The following CNTN5 variants were observed in gnomAD, a reference collection of about 807,000 sequenced individuals.
CNTN5 encodes contactin-5.
A neutral mutation model predicts 129.1 loss-of-function variants in CNTN5; 77 were observed. That is an observed-to-expected ratio of 0.60 (90% CI 0.50 to 0.72). CNTN5 has a LOEUF of 0.72. CNTN5 is among the 30% of genes least tolerant of loss of function. CNTN5 has a pLI of 0.00. For missense variants in CNTN5, 1,478 were observed against 1,328.8 expected, an observed-to-expected ratio of 1.11 and a Z score of -1.75; for synonymous variants, 509 against 465.6, an observed-to-expected ratio of 1.09 and a Z score of -1.20.
intron 2 of CNTN5, among the ~76,000 whole-genome samples, chr11:99,364,928 C>G (rs1437948136): frequency 6.6e-6 from 1 of 152,040 alleles, no homozygotes; most frequent in East Asian, 1.9e-4. Flanking sequence ...TTAAATAGAT[C>G]ACTCTGGTAC....
intron 3 of CNTN5, among the ~76,000 whole-genome samples, chr11:99,632,835 A>G (rs10893622): frequency 0.26 from 39,529 of 151,896 alleles, 5,251 homozygotes; most frequent in South Asian, 0.38. Context: ...GTTTCCATAT[A>G]TTCAGAAGAG....
At chr11:99,508,873 G>C (rs773790523) in intron 2 of CNTN5, among the ~76,000 whole-genome samples, 1 of 151,870 alleles carries the variant, frequency 6.6e-6, no homozygotes, top group Non-Finnish European at 1.5e-5. Flanking sequence ...TAGAGACGGG[G>C]TTTCACCAGA....
chr11:99,118,264 G>T (rs962048644), intron 1 of CNTN5, among the ~76,000 whole-genome samples: 6 of 151,942 alleles, frequency 3.9e-5, no homozygotes, highest in African/African-American at 1.2e-4. Flanking sequence ...TTTCCATTTT[G>T]ACATTATAGT....
At chr11:100,214,788 C>G (rs1949105931) in intron 15 of CNTN5, among the ~76,000 whole-genome samples, 1 of 152,208 alleles carries the variant, frequency 6.6e-6, no homozygotes, top group African/African-American at 2.4e-5. Flanking sequence ...TGGTTATTCT[C>G]TGCTGTACAA....
At chr11:99,068,870 A>C (rs1249005678) in intron 1 of CNTN5, among the ~76,000 whole-genome samples, 2 of 152,186 alleles carry the variant, frequency 1.3e-5, no homozygotes, top group East Asian at 3.8e-4. Flanking sequence ...TTTGAAAATA[A>C]TTTTAAAAAT....
At chr11:99,234,377 T>C (rs1331092207) in intron 1 of CNTN5, among the ~76,000 whole-genome samples, 16 of 152,152 alleles carry the variant, frequency 1.1e-4, no homozygotes, top group Admixed American at 7.2e-4. Context: ...GATTCTGTCT[T>C]CCTCAACGCT....
intron 10 of CNTN5, among the ~76,000 whole-genome samples, chr11:100,065,971 G>A (rs1175338619): frequency 4.0e-5 from 6 of 151,846 alleles, no homozygotes; most frequent in Non-Finnish European, 7.4e-5. Context: ...TTGATTCCTG[G>A]TTAATAATTT....
intron 3 of CNTN5, among the ~76,000 whole-genome samples, chr11:99,635,305 A>AT (rs1951510491): frequency 6.6e-6 from 1 of 152,130 alleles, no homozygotes; most frequent in African/African-American, 2.4e-5. Flanking sequence ...CAGTTTAGCT[A>AT]TTTTTTGCTT....
intron 3 of CNTN5, among the ~76,000 whole-genome samples, chr11:99,665,082 G>A (rs563641843): frequency 6.6e-5 from 10 of 152,160 alleles, no homozygotes; most frequent in Admixed American, 3.3e-4. Context: ...TATATAGTTC[G>A]CTATAAGAAG....
At chr11:99,203,993 C>T (rs947309834) in intron 1 of CNTN5, among the ~76,000 whole-genome samples, 11 of 152,182 alleles carry the variant, frequency 7.2e-5, no homozygotes, top group Non-Finnish European at 1.2e-4. Context: ...TGAGCCATGA[C>T]TTGAAAAGAT....
At chr11:100,213,721 T>C (rs889287980) in intron 15 of CNTN5, among the ~76,000 whole-genome samples, 1 of 152,194 alleles carries the variant, frequency 6.6e-6, no homozygotes, top group African/African-American at 2.4e-5. Context: ...CATTGGAAGA[T>C]TGTTGCTGTA....
intron 21 of CNTN5, among the ~76,000 whole-genome samples, chr11:100,328,817 T>C (rs769542506): frequency 2.0e-5 from 3 of 152,192 alleles, no homozygotes; most frequent in Non-Finnish European, 2.9e-5. Flanking sequence ...GTGGCAGAAC[T>C]AGCTTGCAGC....
intron 13 of CNTN5, among the ~76,000 whole-genome samples, chr11:100,114,853 C>T (rs1248880990): frequency 1.3e-5 from 2 of 151,952 alleles, no homozygotes; most frequent in African/African-American, 4.8e-5. Context: ...TAAATTAATT[C>T]ATTTAATACT....
intron 3 of CNTN5, among the ~76,000 whole-genome samples, chr11:99,578,515 G>C (rs925526367): frequency 6.6e-6 from 1 of 150,672 alleles, no homozygotes; most frequent in African/African-American, 2.5e-5. Context: ...TTTAATGATC[G>C]CCATTCTAAC....
At chr11:99,575,567 C>T (rs772580623) in intron 3 of CNTN5, among the ~76,000 whole-genome samples, 8 of 152,104 alleles carry the variant, frequency 5.3e-5, no homozygotes, top group Admixed American at 1.3e-4. Context: ...AACATGGCAG[C>T]GTAAGAGCAT....
chr11:99,389,304 A>C (rs1941109859), intron 2 of CNTN5, among the ~76,000 whole-genome samples: 1 of 152,136 alleles, frequency 6.6e-6, no homozygotes, highest in Non-Finnish European at 1.5e-5. Context: ...CTGGGATTGC[A>C]GACGTGAGCC....
intron 6 of CNTN5, among the ~76,000 whole-genome samples, chr11:99,911,223 G>T (rs576022072): frequency 6.6e-6 from 1 of 151,806 alleles, no homozygotes; most frequent in Admixed American, 6.6e-5. Flanking sequence ...GCATTAAATC[G>T]TATCTGTGTT....
intron 1 of CNTN5, among the ~76,000 whole-genome samples, chr11:99,270,073 G>A (rs186576635): frequency 3.0e-4 from 46 of 151,806 alleles, no homozygotes; most frequent in Admixed American, 1.8e-3. Flanking sequence ...AGTCGTGTAC[G>A]TTTGTATCCT....
intron 1 of CNTN5, among the ~76,000 whole-genome samples, chr11:99,238,798 A>C (rs569784179): frequency 1.3e-5 from 2 of 152,278 alleles, no homozygotes; most frequent in East Asian, 3.9e-4. Flanking sequence ...TGCAATTATC[A>C]AATAGATGGT....
Sources: gnomAD v4.1 joint callset for allele counts (sites outside exome capture counted in the v4.1 genomes callset) on GRCh38, gnomAD v4.1.1 for gene constraint, MANE v1.5 for transcripts, NCBI Gene and HGNC (gene_info 2026-07-23, HGNC 2026-07-21) for gene names.